The following HCRTR2 variants were observed in gnomAD, a reference collection of about 807,000 sequenced individuals.
HCRTR2 encodes the protein orexin receptor type 2.
A neutral mutation model predicts 49.0 loss-of-function variants in HCRTR2; 22 were observed. That is an observed-to-expected ratio of 0.45 (90% confidence interval 0.32 to 0.64). The LOEUF is 0.64. HCRTR2 is among the 30% of genes least tolerant of loss of function. The probability of loss-of-function intolerance (pLI) is 0.04; values close to 1 mark genes in which losing one functional copy is unlikely to be tolerated. For synonymous variants in HCRTR2, 236 were observed against 205.3 expected (o/e 1.15, Z -1.28); for missense variants, 491 against 559.4 (o/e 0.88, Z 1.23).
intron 1 of HCRTR2, among the ~76,000 whole-genome samples, chr6:55,178,275 A>G: frequency 6.6e-6 from 1 of 151,852 alleles, no homozygotes; most frequent in South Asian, 2.1e-4. Flanking sequence ...CAAAGATATC[A>G]TATGTTTCAT....
intron 1 of HCRTR2, 49 bp downstream of exon 1, chr6:55,174,859 G>A (rs766548112): frequency 2.0e-6 from 3 of 1,496,346 alleles, no homozygotes; most frequent in Non-Finnish European, 1.9e-6. Context: ...CCCCCTCTCC[G>A]CCCCGGGCTG....
chr6:55,214,442 C>T (rs1252412300), intron 1 of HCRTR2, among the ~76,000 whole-genome samples: 1 of 152,132 alleles, frequency 6.6e-6, no homozygotes, highest in Non-Finnish European at 1.5e-5. Context: ...AGTGATCTTT[C>T]CACCTCAGCC....
chr6:55,156,977 C>A (rs542882641), intron 1 of HCRTR2, among the ~76,000 whole-genome samples: 1 of 151,908 alleles, frequency 6.6e-6, no homozygotes, highest in Non-Finnish European at 1.5e-5. Context: ...CCCCTAAGAT[C>A]AGAAAAAGAC....
At chr6:55,242,829 A>G (rs186666582) in intron 1 of HCRTR2, among the ~76,000 whole-genome samples, 2 of 152,362 alleles carry the variant, frequency 1.3e-5, no homozygotes, top group Admixed American at 6.5e-5. Context: ...CTAGTTTATT[A>G]TAAGTGAAAT....
At chr6:55,130,560 C>T (rs1050494963) in intron 1 of HCRTR2, among the ~76,000 whole-genome samples, 1 of 151,760 alleles carries the variant, frequency 6.6e-6, no homozygotes, top group Non-Finnish European at 1.5e-5. Flanking sequence ...AGGCTGAAGC[C>T]AAAATGATAC....
At chr6:55,221,621 G>A (rs954384216) in intron 1 of HCRTR2, among the ~76,000 whole-genome samples, 2 of 152,032 alleles carry the variant, frequency 1.3e-5, no homozygotes, top group Admixed American at 1.3e-4. Flanking sequence ...AGACCATCCT[G>A]GCTAACACAG....
At position 55,158,567 on chromosome 6, in the gene HCRTR2, C is replaced by T. The variant is rs531101241; in HGVS notation, c.-377-15644C>T. On this transcript the variant is annotated intron_variant, in intron 1 of 7. Coordinates refer to the HCRTR2 transcript ENST00000615358. ...CTAAGATCCACTGGCTTGAAATTCT[C>T]ACTGCCAGTGCAGCAGTCTGAAGTC... Among the ~76,000 whole-genome samples the T allele has an allele frequency of 2.0e-4, 30 of 152,188 alleles. 1 individual carries two copies. The highest frequency in any genetic ancestry group is 2.1e-4 in the South Asian group (1 of 4,832).
At chr6:55,140,796 A>G (rs909685984) in intron 1 of HCRTR2, among the ~76,000 whole-genome samples, 2 of 152,114 alleles carry the variant, frequency 1.3e-5, no homozygotes, top group Non-Finnish European at 2.9e-5. Flanking sequence ...CTACTGATTC[A>G]TAGTTGCTTA....
intron 1 of HCRTR2, among the ~76,000 whole-genome samples, chr6:55,169,316 T>A (rs892043039): frequency 6.6e-6 from 1 of 151,864 alleles, no homozygotes; most frequent in Non-Finnish European, 1.5e-5. Flanking sequence ...GAACCTTGTC[T>A]GAGAAGAGAC....
intron 1 of HCRTR2, among the ~76,000 whole-genome samples, chr6:55,205,033 C>T (rs1765576966): frequency 6.6e-6 from 1 of 152,158 alleles, no homozygotes; most frequent in African/African-American, 2.4e-5. Context: ...CCTCCTCAGA[C>T]TCCCAAAGTT....
intron 3 of HCRTR2, among the ~76,000 whole-genome samples, chr6:55,256,753 T>C (rs1402439593): frequency 1.3e-5 from 2 of 152,100 alleles, no homozygotes; most frequent in African/African-American, 2.4e-5. Flanking sequence ...AAGTGTCTTA[T>C]GTCCCATTCA....
At chr6:55,207,491 T>C (rs527783107) in intron 1 of HCRTR2, among the ~76,000 whole-genome samples, 19 of 152,274 alleles carry the variant, frequency 1.2e-4, no homozygotes, top group African/African-American at 4.6e-4. Flanking sequence ...CCATTTGAAG[T>C]AAATCTAAAG....
upstream of HCRTR2, among the ~76,000 whole-genome samples, chr6:55,170,229 T>C (rs887978631): frequency 6.7e-6 from 1 of 149,438 alleles, no homozygotes; most frequent in African/African-American, 2.4e-5. Context: ...TATTTGTATA[T>C]ACTTATACAA....
At chr6:55,131,937 T>C (rs1171522215) in intron 1 of HCRTR2, among the ~76,000 whole-genome samples, 1 of 151,760 alleles carries the variant, frequency 6.6e-6, no homozygotes, top group Non-Finnish European at 1.5e-5. Flanking sequence ...AGCTTTATAA[T>C]CAATTTAAAG....
In HCRTR2 at chr6:55,278,757, T is replaced by TA. The variant is rs1260622300; in HGVS notation, c.983+1157_983+1158insA. Among the ~76,000 whole-genome samples, 13 of 123,244 alleles carry TA rather than the reference T, an allele frequency of 1.1e-4. No individual in the cohort carries two copies. The East Asian group carries it at 1.1e-3, about 11-fold the overall frequency. The allele number at this position is 123,244 out of a possible 152,430, so 80.9% of individuals were successfully genotyped here. ...TTATTATTATTATTATTATTATTAT[T>TA]TTTGCTAACAGAAATTTAATACAAA... On this transcript the variant is annotated intron_variant, in intron 5 of 6. Coordinates refer to ENST00000370862, the MANE Select transcript of HCRTR2 (RefSeq NM_001384272.1).
upstream of HCRTR2, among the ~76,000 whole-genome samples, chr6:55,171,523 T>C (rs1764949365): frequency 6.6e-6 from 1 of 152,266 alleles, no homozygotes; most frequent in South Asian, 2.1e-4. Flanking sequence ...AAAATGAGTA[T>C]TATAATATTT....
chr6:55,201,624 A>G (rs1024725880), intron 1 of HCRTR2, among the ~76,000 whole-genome samples: 1 of 152,152 alleles, frequency 6.6e-6, no homozygotes, highest in African/African-American at 2.4e-5. Flanking sequence ...AGCTACATTG[A>G]TTTACTAGTG....
chr6:55,283,699 C>T (rs962743970), downstream of HCRTR2, among the ~76,000 whole-genome samples: 3 of 151,824 alleles, frequency 2.0e-5, no homozygotes, highest in Non-Finnish European at 4.4e-5. Context: ...AGATGATTTT[C>T]ATCTCCTATT....
At chr6:55,262,631 T>C (rs956227692) in intron 3 of HCRTR2, among the ~76,000 whole-genome samples, 5 of 138,264 alleles carry the variant, frequency 3.6e-5, no homozygotes, top group Admixed American at 2.4e-4. Context: ...ATATACAATA[T>C]ATAAATTTAT....
Sources: gnomAD v4.1 joint callset for allele counts (sites outside exome capture counted in the v4.1 genomes callset) on GRCh38, gnomAD v4.1.1 for gene constraint, MANE v1.5 for transcripts, NCBI Gene and HGNC (gene_info 2026-07-23, HGNC 2026-07-21) for gene names.